The following NKAIN3 variants were observed in gnomAD, a reference collection of about 807,000 sequenced individuals.
NKAIN3 encodes sodium/potassium-transporting ATPase subunit beta-1-interacting protein 3.
NKAIN3 carries 25 observed loss-of-function variants against 30.2 expected under a neutral mutation model. That is an observed-to-expected ratio of 0.83 (90% CI 0.60 to 1.16). NKAIN3 has a LOEUF of 1.16. Ranked by LOEUF, NKAIN3 falls within the 50% of genes most tolerant of loss-of-function variation. The pLI is 0.00. For missense variants in NKAIN3, 225 were observed against 254.1 expected, an observed-to-expected ratio of 0.89 and a Z score of 0.78; for synonymous variants, 91 against 89.6, an observed-to-expected ratio of 1.02 and a Z score of -0.09.
intron 1 of NKAIN3, among the ~76,000 whole-genome samples, chr8:62,557,674 T>C (rs968990017): frequency 1.9e-4 from 29 of 152,208 alleles, no homozygotes; most frequent in African/African-American, 6.8e-4. Flanking sequence ...TTGAGCAGTT[T>C]TCATATGTTT....
Position 62,543,641 on chromosome 8 carries a change from C to A in NKAIN3, c.55-35898C>A, listed in dbSNP as rs370497631. Reference sequence around the variant, plus strand: ...GTACCGTACTCTTAGCACCCAGAGCCAATGCTAACCTTTTATCTGCTTTAT... The same window carrying A: ...GTACCGTACTCTTAGCACCCAGAGCAAATGCTAACCTTTTATCTGCTTTAT... On this transcript the variant is annotated intron_variant, in intron 1 of 6. Coordinates refer to ENST00000623646, the MANE Select transcript of NKAIN3 (RefSeq NM_001304533.3). Among the ~76,000 whole-genome samples, 127 of 152,134 alleles carry A rather than the reference C, an allele frequency of 8.3e-4. 1 individual carries two copies. The highest frequency in any genetic ancestry group is 1.7e-3 in the Non-Finnish European group (116 of 68,032).
intron 3 of NKAIN3, among the ~76,000 whole-genome samples, chr8:62,639,342 T>C (rs1812232323): frequency 6.6e-6 from 1 of 152,032 alleles, no homozygotes; most frequent in Non-Finnish European, 1.5e-5. Flanking sequence ...GAGATAAGGT[T>C]AGAAAATAGA....
At chr8:62,566,241 G>T (rs1251838115) in intron 1 of NKAIN3, among the ~76,000 whole-genome samples, 5 of 152,120 alleles carry the variant, frequency 3.3e-5, no homozygotes, top group Non-Finnish European at 5.9e-5. Context: ...GAATATGCTT[G>T]TCTTCTCAGG....
intron 3 of NKAIN3, among the ~76,000 whole-genome samples, chr8:62,668,611 C>T (rs976772046): frequency 3.3e-5 from 5 of 152,048 alleles, no homozygotes; most frequent in African/African-American, 7.2e-5. Context: ...TATGATAACA[C>T]GTCTAGAATA....
intron 4 of NKAIN3, among the ~76,000 whole-genome samples, chr8:62,783,069 G>A (rs1817403319): frequency 6.6e-6 from 1 of 151,794 alleles, no homozygotes; most frequent in Non-Finnish European, 1.5e-5. Context: ...AAAACATTAT[G>A]TATTAATAAA....
At chr8:62,749,147 C>T (rs1346309141) in intron 4 of NKAIN3, among the ~76,000 whole-genome samples, 1 of 152,058 alleles carries the variant, frequency 6.6e-6, no homozygotes, top group Non-Finnish European at 1.5e-5. Context: ...AAAAAATTAT[C>T]GTAGCAAATT....
At chr8:62,856,269 G>A (rs1300253150) in intron 4 of NKAIN3, 1 of 915,640 alleles carries the variant, frequency 1.1e-6, no homozygotes, top group African/African-American at 1.6e-5. Context: ...GAAGGCTTGA[G>A]AGCCCTCTGG....
At chr8:62,808,027 TTA>T (rs1255175531) in intron 4 of NKAIN3, among the ~76,000 whole-genome samples, 3 of 152,074 alleles carry the variant, frequency 2.0e-5, no homozygotes, top group Admixed American at 1.3e-4. Flanking sequence ...ATTTAAAATT[TTA>T]TCTTCTTTTT....
chr8:62,493,406 A>G (rs1287900170), intron 1 of NKAIN3, among the ~76,000 whole-genome samples: 3 of 152,058 alleles, frequency 2.0e-5, no homozygotes, highest in Non-Finnish European at 4.4e-5. Flanking sequence ...TACCAGTACC[A>G]TGTTGTTTTG....
chr8:62,967,327 A>C lies in NKAIN3; in HGVS notation c.*1920A>C, dbSNP rs1823736669. On this transcript the variant is annotated 3_prime_UTR_variant, in exon 7 of 7. Coordinates refer to ENST00000623646, the MANE Select transcript of NKAIN3 (RefSeq NM_001304533.3). ...CTTGGACAGTGTTTGCCATCTCTGCACTACAGTTTTCCTCATCAATGAAGT... is the reference window on the plus strand; with the variant it reads ...CTTGGACAGTGTTTGCCATCTCTGCCCTACAGTTTTCCTCATCAATGAAGT... Among the ~76,000 whole-genome samples the C allele has an allele frequency of 6.6e-6, 1 of 152,218 alleles. No homozygotes were observed. The highest frequency in any genetic ancestry group is 1.5e-5 in the Non-Finnish European group (1 of 68,042).
chr8:62,496,270 G>T (rs923876258), intron 1 of NKAIN3, among the ~76,000 whole-genome samples: 1 of 152,058 alleles, frequency 6.6e-6, no homozygotes, highest in African/African-American at 2.4e-5. Flanking sequence ...CTTTTATATT[G>T]CCTTCCAATC....
chr8:62,777,386 AT>A (rs955357636), intron 4 of NKAIN3, among the ~76,000 whole-genome samples: 4 of 150,410 alleles, frequency 2.7e-5, no homozygotes, highest in African/African-American at 9.8e-5. Flanking sequence ...ATTCTTTTTT[AT>A]TTTTTTCTCT....
At chr8:62,462,245 G>A (rs1585835461) in intron 1 of NKAIN3, among the ~76,000 whole-genome samples, 1 of 152,076 alleles carries the variant, frequency 6.6e-6, no homozygotes, top group Non-Finnish European at 1.5e-5. Flanking sequence ...AAAGAAGTTA[G>A]GCATAAGACC....
intron 4 of NKAIN3, among the ~76,000 whole-genome samples, chr8:62,802,256 G>A (rs1291120527): frequency 3.3e-5 from 5 of 152,128 alleles, no homozygotes; most frequent in Admixed American, 3.3e-4. Flanking sequence ...TCAGATTCAG[G>A]AAATACAGAG....
intron 4 of NKAIN3, among the ~76,000 whole-genome samples, chr8:62,877,982 G>A (rs374458188): frequency 1.3e-5 from 2 of 149,250 alleles, no homozygotes; most frequent in South Asian, 4.2e-4. Context: ...AGAGGTTGTG[G>A]TGAGTGGAGA....
intron 1 of NKAIN3, among the ~76,000 whole-genome samples, chr8:62,290,192 G>C (rs904142737): frequency 1.1e-4 from 17 of 152,092 alleles, no homozygotes; most frequent in Admixed American, 5.2e-4. Context: ...CTGCAAGCAG[G>C]GACAATTTGA....
At chr8:62,709,245 T>C (rs1233822523) in intron 3 of NKAIN3, among the ~76,000 whole-genome samples, 1 of 152,168 alleles carries the variant, frequency 6.6e-6, no homozygotes, top group Non-Finnish European at 1.5e-5. Flanking sequence ...TAGAATGAAT[T>C]AGGCAGGATT....
At chr8:62,885,040 G>T (rs998637097) in intron 4 of NKAIN3, among the ~76,000 whole-genome samples, 1 of 151,316 alleles carries the variant, frequency 6.6e-6, no homozygotes, top group Non-Finnish European at 1.5e-5. Flanking sequence ...GATTTAAATT[G>T]CTCTTCTTTT....
intron 1 of NKAIN3, among the ~76,000 whole-genome samples, chr8:62,441,546 A>T (rs905076703): frequency 2.0e-5 from 3 of 151,770 alleles, no homozygotes; most frequent in African/African-American, 7.3e-5. Flanking sequence ...TCTTATTTTT[A>T]ATTTTATTTT....
Sources: gnomAD v4.1 joint callset for allele counts (sites outside exome capture counted in the v4.1 genomes callset) on GRCh38, gnomAD v4.1.1 for gene constraint, MANE v1.5 for transcripts, NCBI Gene and HGNC (gene_info 2026-07-23, HGNC 2026-07-21) for gene names.